The following CAPS2 variants were observed in gnomAD, a reference collection of about 807,000 sequenced individuals.
CAPS2 encodes the protein calcyphosine 2.
Under a neutral mutation model 86.5 loss-of-function variants are expected in CAPS2, and 98 were observed. That is an observed-to-expected ratio of 1.13 (90% CI 0.96 to 1.34). The LOEUF (loss-of-function observed/expected upper bound fraction) is 1.34, where lower values mean the gene tolerates loss of function less well. Among genes scored for constraint, CAPS2 ranks in the 40% most tolerant of loss-of-function variants. The pLI is 0.00. For missense variants in CAPS2, 729 were observed against 686.8 expected (o/e 1.06, Z -0.69); for synonymous variants, 210 against 225.1 (o/e 0.93, Z 0.60).
intron 14 of CAPS2, among the ~76,000 whole-genome samples, chr12:75,286,961 G>T (rs946314256): frequency 3.3e-5 from 5 of 151,716 alleles, no homozygotes; most frequent in Non-Finnish European, 5.9e-5. Context: ...AAAAAGGGAA[G>T]TATTGTTATG....
rs186332241 is a variant in CAPS2, at chr12:75,375,019, G to T, written c.-395+15819C>A. ...CCCTGTTTCTTTTAAGTCCTTCATG[G>T]TGGCACTAATCTCTGCAATCCCCCC... On this transcript the variant is annotated intron_variant, in intron 1 of 5. Transcript: ENST00000551829. 2.3e-4 allele frequency among the ~76,000 whole-genome samples: 35 copies of T among 152,272 alleles called. 1 individual carries two copies. The East Asian group carries it at 4.1e-3, about 18-fold the overall frequency.
intron 15 of CAPS2, among the ~76,000 whole-genome samples, chr12:75,282,735 A>C (rs144080482): frequency 6.6e-5 from 10 of 152,304 alleles, no homozygotes; most frequent in Non-Finnish European, 1.5e-4. Flanking sequence ...GGAATCTAAT[A>C]TTCTATTTTA....
At chr12:75,341,747 CTTTTT>C (rs1185408752) in intron 1 of CAPS2, among the ~76,000 whole-genome samples, 2 of 83,418 alleles carry the variant, frequency 2.4e-5, no homozygotes, top group African/African-American at 5.3e-5. Context: ...CGCCCGGCCT[CTTTTT>C]TTTTTTTTTT....
At chr12:75,298,397 A>G (rs2037256481) in intron 11 of CAPS2, 2 of 362,856 alleles carry the variant, frequency 5.5e-6, no homozygotes, top group Admixed American at 8.1e-5. Context: ...GCTTTGAAGA[A>G]CTTTTCAAAG....
intron 1 of CAPS2, chr12:75,369,722 T>C (rs1253738922): frequency 2.0e-6 from 2 of 985,252 alleles, no homozygotes; most frequent in Non-Finnish European, 2.4e-6. Flanking sequence ...GTTTTGACTT[T>C]TGTGCCTTCA....
downstream of CAPS2, chr12:75,276,677 T>C (rs1446992255): frequency 1.2e-6 from 1 of 818,042 alleles, no homozygotes; most frequent in Non-Finnish European, 1.5e-6. Context: ...TCTCAACTTT[T>C]ATTTTTAAAA....
At chr12:75,367,203 G>C (rs73364096) in intron 1 of CAPS2, among the ~76,000 whole-genome samples, 44,769 of 149,048 alleles carry the variant, frequency 0.3, 7,800 homozygotes, top group East Asian at 0.45. Context: ...AATGGCAGTG[G>C]AGAAGATCCT....
intron 1 of CAPS2, among the ~76,000 whole-genome samples, chr12:75,348,773 G>C (rs902191849): frequency 6.6e-6 from 1 of 152,136 alleles, no homozygotes; most frequent in African/African-American, 2.4e-5. Context: ...AATATACCCT[G>C]TCACTTGAAA....
At chr12:75,376,495 T>C (rs1225203422) in intron 1 of CAPS2, among the ~76,000 whole-genome samples, 1 of 152,192 alleles carries the variant, frequency 6.6e-6, no homozygotes, top group African/African-American at 2.4e-5. Context: ...GTTGAGGATG[T>C]GTCCTGAGGA....
intron 7 of CAPS2, among the ~76,000 whole-genome samples, chr12:75,310,232 G>T (rs1461275063): frequency 6.6e-6 from 1 of 152,150 alleles, no homozygotes; most frequent in Non-Finnish European, 1.5e-5. Flanking sequence ...AAGAAAAAAA[G>T]AAATGGTAAG....
At chr12:75,366,958 A>G in intron 1 of CAPS2, 1 of 701,854 alleles carries the variant, frequency 1.4e-6, no homozygotes, top group Non-Finnish European at 2.6e-6. Flanking sequence ...CAGTCACCCA[A>G]GGGGCAGCTT....
At chr12:75,390,469 C>T (rs993541182) in intron 1 of CAPS2, 46 of 424,030 alleles carry the variant, frequency 1.1e-4, no homozygotes, top group South Asian at 7.7e-4. Context: ...TTTGTGGTTT[C>T]CCACAAAGGT....
At chr12:75,292,409 A>C (rs908151867) in intron 12 of CAPS2, among the ~76,000 whole-genome samples, 1 of 152,012 alleles carries the variant, frequency 6.6e-6, no homozygotes, top group African/African-American at 2.4e-5. Flanking sequence ...ACATTTAATT[A>C]AAACTATTAA....
chr12:75,294,614 C>T (rs2036569340), intron 11 of CAPS2, among the ~76,000 whole-genome samples: 1 of 152,130 alleles, frequency 6.6e-6, no homozygotes, highest in East Asian at 1.9e-4. Flanking sequence ...TTTCCCCCTC[C>T]CCCACCTCGG....
chr12:75,307,325 C>T lies in CAPS2; in HGVS notation c.660-2449G>A, dbSNP rs926806376. ...CACTCAATAGTTGAGGCTTTGCCTC[C>T]GAATTCCCCTTTTACTGCATATTTT... On this transcript the variant is annotated intron_variant, in intron 7 of 16. Coordinates refer to ENST00000393284, the Ensembl canonical transcript of CAPS2. Among the ~76,000 whole-genome samples the T allele has an allele frequency of 6.6e-5, 10 of 152,118 alleles. No individual in the cohort carries two copies. In the South Asian group the frequency reaches 1.5e-3, roughly 22 times the overall value.
At chr12:75,334,510 G>A, upstream of CAPS2, 2 of 1,356,858 alleles carry the variant, frequency 1.5e-6, no homozygotes, top group Non-Finnish European at 1.9e-6. Flanking sequence ...GCGACTCAGA[G>A]CTTTCCCCTG....
intron 13 of CAPS2, among the ~76,000 whole-genome samples, chr12:75,290,642 G>A (rs2035670341): frequency 6.6e-6 from 1 of 152,142 alleles, no homozygotes; most frequent in Non-Finnish European, 1.5e-5. Flanking sequence ...TAGGCCAAGT[G>A]TGATGGTTCA....
At chr12:75,355,070 G>C (rs986607401) in intron 1 of CAPS2, among the ~76,000 whole-genome samples, 1 of 152,122 alleles carries the variant, frequency 6.6e-6, no homozygotes, top group African/African-American at 2.4e-5. Flanking sequence ...ATAGGCATGG[G>C]CAAACGTTTC....
At chr12:75,340,538 T>A (rs2139300364) in intron 1 of CAPS2, among the ~76,000 whole-genome samples, 1 of 152,152 alleles carries the variant, frequency 6.6e-6, no homozygotes, top group African/African-American at 2.4e-5. Context: ...TGAATTATTT[T>A]GATTTTTATC....
Sources: gnomAD v4.1 joint callset for allele counts (sites outside exome capture counted in the v4.1 genomes callset) on GRCh38, gnomAD v4.1.1 for gene constraint, MANE v1.5 for transcripts, NCBI Gene and HGNC (gene_info 2026-07-23, HGNC 2026-07-21) for gene names.